VPS13A: variants seen among roughly 807,000 people sequenced by gnomAD.
The protein encoded by VPS13A is intermembrane lipid transfer protein VPS13A.
In VPS13A, 264 loss-of-function variants were observed where a neutral mutation model predicts 390.9. The ratio of observed to expected loss-of-function variants is 0.68; its 90% CI spans 0.61 to 0.75. The LOEUF (loss-of-function observed/expected upper bound fraction) is 0.75. VPS13A is among the 30% of genes least tolerant of loss of function. The pLI, the probability that VPS13A is intolerant of heterozygous loss-of-function variation, is 0.00. For missense variants in VPS13A, 3,409 were observed against 3,733.9 expected (o/e 0.91, Z 2.27); for synonymous variants, 1,231 against 1,227.1 (o/e 1.00, Z -0.07).
At chr9:77,414,871 G>A (rs553874270) in intron 71 of VPS13A, among the ~76,000 whole-genome samples, 5 of 152,196 alleles carry the variant, frequency 3.3e-5, no homozygotes, top group South Asian at 2.1e-4. Flanking sequence ...AACACTCTGC[G>A]TTGATCCTGG....
Position 77,378,284 on chromosome 9 carries a change from T to C in VPS13A, c.9078-3692T>C, listed in dbSNP as rs189101252. On this transcript the variant is annotated intron_variant, in intron 67 of 71. Transcript: ENST00000360280. ...TTGATCAGTGAAACCGTCTGATTCT[T>C]ACTTTTATTTCTGGTGAGTTTTAAA... is the stretch of plus-strand genomic sequence containing the variant. Among the ~76,000 whole-genome samples, 3 of 152,296 alleles carry C rather than the reference T, an allele frequency of 2.0e-5. No homozygotes were observed. The East Asian group carries it at 5.8e-4, about 29-fold the overall frequency.
intron 23 of VPS13A, among the ~76,000 whole-genome samples, chr9:77,272,355 G>C (rs1826398857): frequency 6.6e-6 from 1 of 152,110 alleles, no homozygotes; most frequent in Admixed American, 6.5e-5. Flanking sequence ...TTTACTGTTT[G>C]GGAAAGTTTT....
In VPS13A at chr9:77,283,644, C is replaced by G. The variant is rs1192486834; in HGVS notation, c.3333C>G (p.Tyr1111Ter). 6.3e-7 allele frequency: 1 copy of G among 1,599,178 alleles called. No homozygotes were observed. The highest frequency in any genetic ancestry group is 8.6e-7 in the Non-Finnish European group (1 of 1,168,686). The change falls in exon 31 of 72, where the codon TAC becomes TAG. Residue 1111 changes from tyrosine (Y) to a stop codon, truncating the protein, a stop_gained. Coordinates refer to ENST00000360280, the MANE Select transcript of VPS13A (RefSeq NM_033305.3). LOFTEE classifies it high-confidence loss of function. ...IVLDSDITAI[Y>*]KKAVYITGKE... Reference sequence around the variant, plus strand: ...TAGATTCTGATATAACAGCTATATACAAAAAGGTAAGAATTCTTTTAATTA... The same window carrying G: ...TAGATTCTGATATAACAGCTATATAGAAAAAGGTAAGAATTCTTTTAATTA...
intron 22 of VPS13A, among the ~76,000 whole-genome samples, chr9:77,256,881 G>C (rs1825477896): frequency 6.6e-6 from 1 of 150,962 alleles, no homozygotes; most frequent in African/African-American, 2.4e-5. Flanking sequence ...TAACCTGTGT[G>C]TTTTCTATGA....
intron 1 of VPS13A, among the ~76,000 whole-genome samples, chr9:77,180,973 A>T (rs749797654): frequency 2.7e-4 from 41 of 151,752 alleles, no homozygotes; most frequent in African/African-American, 3.9e-4. Flanking sequence ...TTGCTTGAGC[A>T]TAGGAGTTTG....
intron 44 of VPS13A, among the ~76,000 whole-genome samples, chr9:77,322,837 G>A (rs1287788507): frequency 6.6e-6 from 1 of 151,820 alleles, no homozygotes; most frequent in Admixed American, 6.6e-5. Context: ...TTTTTGAAAC[G>A]TTTGCTATTG....
chr9:77,351,384 G>A lies in VPS13A; in HGVS notation c.7357G>A (p.Val2453Met). 6.2e-7 allele frequency: 1 copy of A among 1,613,992 alleles called. No homozygotes were observed. The highest frequency in any genetic ancestry group is 1.1e-5 in the South Asian group (1 of 91,090). Residue 2453 changes from valine to methionine, a missense_variant, in exon 53 of 72, where the codon GTG becomes ATG. By Grantham distance (21) the Val-to-Met change is conservative (BLOSUM62 1). This residue lies in a region of VPS13A where 2,717 missense variants were observed against 2,917.4 expected (regional missense o/e 0.93). Transcript: ENST00000360280. ...KAVFYTWADP[V>M]GSRRLKWRCR... ...CGTGTTTTATACATGGGCTGATCCG[G>A]TGGGCTCTAGAAGGCTGAAGTGGAG... is the stretch of plus-strand genomic sequence containing the variant.
intron 2 of VPS13A, 54 bp from the exon 3 acceptor site, chr9:77,201,311 T>C: frequency 7.9e-7 from 1 of 1,268,946 alleles, no homozygotes; most frequent in South Asian, 1.3e-5. Flanking sequence ...TTCATTTATG[T>C]TGTTAAACTC....
intron 33 of VPS13A, 47 bp downstream of exon 33, chr9:77,295,893 A>T (rs1827966810): frequency 6.3e-7 from 1 of 1,592,820 alleles, no homozygotes; most frequent in Admixed American, 1.7e-5. Flanking sequence ...TATTTTTCTA[A>T]CTTTTTAAAG....
At position 77,419,469 on chromosome 9, in the gene VPS13A, T is replaced by C. The variant is rs1417423559; in HGVS notation, c.*3463T>C. The C allele has an allele frequency of 6.6e-6, 1 of 152,164 alleles. No individual in the cohort carries two copies. The highest frequency in any genetic ancestry group is 1.5e-5 in the Non-Finnish European group (1 of 68,034). The allele number at this position is 152,164 out of a possible 1,614,324, so 9.4% of individuals were successfully genotyped here. A position where few individuals can be genotyped will look rare whatever the true frequency, so the allele number is the denominator to read the frequency against. ...GGAGGCACCGGCCATCCAGTGATTG[T>C]TGGAAGAGTCTGGATTGTGTGGAGC... On this transcript the variant is annotated 3_prime_UTR_variant, in exon 72 of 72. Coordinates refer to ENST00000360280, the MANE Select transcript of VPS13A (RefSeq NM_033305.3).
At chr9:77,374,884 T>C (rs974396837) in intron 67 of VPS13A, among the ~76,000 whole-genome samples, 1 of 152,172 alleles carries the variant, frequency 6.6e-6, no homozygotes, top group African/African-American at 2.4e-5. Flanking sequence ...TTTTCCTTTG[T>C]GTTTTCTCTT....
At chr9:77,255,665 T>A (rs1237117931) in intron 22 of VPS13A, among the ~76,000 whole-genome samples, 1 of 152,052 alleles carries the variant, frequency 6.6e-6, no homozygotes, top group Non-Finnish European at 1.5e-5. Flanking sequence ...TATTGGGAGG[T>A]TTTTGATTAC....
At chr9:77,381,031 A>G (rs1168689495) in intron 67 of VPS13A, among the ~76,000 whole-genome samples, 1 of 152,212 alleles carries the variant, frequency 6.6e-6, no homozygotes, top group Non-Finnish European at 1.5e-5. Context: ...TATTTGTTGA[A>G]TATGTGATAC....
At chr9:77,277,499 T>C (rs1472005289) in intron 26 of VPS13A, among the ~76,000 whole-genome samples, 1 of 152,218 alleles carries the variant, frequency 6.6e-6, no homozygotes, top group East Asian at 1.9e-4. Flanking sequence ...TGTTTGGACA[T>C]GTATAATGAC....
intron 23 of VPS13A, among the ~76,000 whole-genome samples, chr9:77,263,563 A>G (rs1564675905): frequency 6.6e-6 from 1 of 152,090 alleles, no homozygotes; most frequent in Non-Finnish European, 1.5e-5. Flanking sequence ...GTGTCTGTTC[A>G]TATCCTTCGC....
In VPS13A at chr9:77,349,793, G is replaced by A. The variant is rs573597284; in HGVS notation, c.7290-1524G>A. On this transcript the variant is annotated intron_variant, in intron 52 of 71. Transcript: ENST00000360280. ...TGAATAGCTGGGATTACAGGTGCGC[G>A]CCACTATGCCCGGCTAATTTTCATA... Among the ~76,000 whole-genome samples the A allele has an allele frequency of 1.7e-4, 26 of 152,018 alleles. No homozygotes were observed. The South Asian group carries it at 5.2e-3, about 30-fold the overall frequency.
At position 77,416,151 on chromosome 9, in the gene VPS13A, CAAAAACAA is replaced by C; in HGVS notation, c.*156_*163del. ...TAAAAAACAAAAACAAACAAAAAAACAAAAACAAAAAAACAAAACCAGAATCAGGTAAA... is the reference window on the plus strand; with the variant it reads ...TAAAAAACAAAAACAAACAAAAAAACAAAAACAAAACCAGAATCAGGTAAA... On this transcript the variant is annotated 3_prime_UTR_variant, in exon 72 of 72. Transcript: ENST00000360280. The C allele has an allele frequency of 1.0e-6, 1 of 993,174 alleles. No homozygotes were observed. Among genetic ancestry groups the C allele is most frequent in the Non-Finnish European group, 1.5e-6 (1 of 658,944 alleles). 61.5% of individuals were successfully genotyped at this position (993,174 alleles called of 1,614,324 possible).
intron 10 of VPS13A, 81 bp from the exon 11 acceptor site, chr9:77,219,871 CAG>C: frequency 7.1e-7 from 1 of 1,411,542 alleles, no homozygotes; most frequent in Non-Finnish European, 1.0e-6. Flanking sequence ...AAATGGAAAT[CAG>C]TGTTTTCAAC....
Position 77,321,643 on chromosome 9 carries a change from GA to G in VPS13A, c.5732del (p.Asn1911MetfsTer5), listed in dbSNP as rs760070751. The part of the protein sequence containing the change: ...NIPMAKSYVL[K>X]NGESLSMDYI... ...TTCCTATGGCAAAATCATATGTATT[GA>G]AAAATGGAGAAAGTTTAAGTATGGA... On this transcript the variant is annotated frameshift_variant, in exon 44 of 72. Transcript: ENST00000360280. LOFTEE classifies it high-confidence loss of function. 3 of 1,613,278 alleles carry G rather than the reference GA, an allele frequency of 1.9e-6. No individual in the cohort carries two copies. The South Asian group carries it at 3.3e-5, about 18-fold the overall frequency.
Sources: gnomAD v4.1 joint callset for allele counts (sites outside exome capture counted in the v4.1 genomes callset) on GRCh38, gnomAD v4.1.1 for gene constraint, gnomAD v4.1.1 regional missense constraint, MANE v1.5 for transcripts, NCBI Gene and HGNC (gene_info 2026-07-23, HGNC 2026-07-21) for gene names.